TCF12: variants seen among roughly 807,000 people sequenced by gnomAD.
TCF12 encodes DNA-binding protein HTF4.
Under a neutral mutation model 86.0 loss-of-function variants are expected in TCF12, and 45 were observed. The observed-to-expected ratio is 0.52, with a 90% CI of 0.41 to 0.67. The LOEUF (loss-of-function observed/expected upper bound fraction) is 0.67. Among genes scored for constraint, TCF12 ranks in the 30% least tolerant of loss-of-function variants. TCF12 has a pLI of 0.00. For missense variants in TCF12, 881 were observed against 859.9 expected (o/e 1.02, Z -0.31); for synonymous variants, 330 against 299.6 (o/e 1.10, Z -1.05).
intron 3 of TCF12, among the ~76,000 whole-genome samples, chr15:56,971,447 G>A (rs535539018): frequency 4.6e-5 from 7 of 151,862 alleles, no homozygotes; most frequent in African/African-American, 9.7e-5. Context: ...AAAAGAAGGC[G>A]GAAAAAGAAA....
At chr15:57,078,255 T>G (rs1394227808) in intron 4 of TCF12, among the ~76,000 whole-genome samples, 1 of 152,202 alleles carries the variant, frequency 6.6e-6, no homozygotes, top group Non-Finnish European at 1.5e-5. Context: ...TCTTCTAAAC[T>G]ATTCATACAA....
At chr15:57,196,633 A>C (rs1767124325) in intron 7 of TCF12, among the ~76,000 whole-genome samples, 1 of 152,234 alleles carries the variant, frequency 6.6e-6, no homozygotes, top group African/African-American at 2.4e-5. Context: ...AAGATGAACA[A>C]GTTTTATATT....
chr15:57,107,430 G>A (rs1191662323), intron 5 of TCF12, among the ~76,000 whole-genome samples: 2 of 152,168 alleles, frequency 1.3e-5, no homozygotes, highest in Non-Finnish European at 2.9e-5. Context: ...ACTTAAGGGA[G>A]AAGGAGAGAT....
intron 5 of TCF12, among the ~76,000 whole-genome samples, chr15:57,156,137 G>T (rs1318257999): frequency 1.3e-5 from 2 of 152,116 alleles, no homozygotes; most frequent in African/African-American, 2.4e-5. Context: ...TTACACTTTG[G>T]TTTTATAACT....
intron 3 of TCF12, among the ~76,000 whole-genome samples, chr15:57,061,703 T>C (rs767884806): frequency 6.6e-6 from 1 of 152,252 alleles, no homozygotes; most frequent in Non-Finnish European, 1.5e-5. Flanking sequence ...ATGGTTTGAT[T>C]ATTTTCATCA....
At chr15:56,958,134 TTTTTGCAGGAG>T (rs2061577204) in intron 3 of TCF12, among the ~76,000 whole-genome samples, 1 of 152,198 alleles carries the variant, frequency 6.6e-6, no homozygotes, top group African/African-American at 2.4e-5. Context: ...CAAGTTGAAC[TTTTTGCAGGAG>T]TTTTTACCTG....
intron 3 of TCF12, among the ~76,000 whole-genome samples, chr15:57,037,336 GAGGCTGAGGC>G (rs1332545463): frequency 2.6e-5 from 4 of 152,112 alleles, no homozygotes; most frequent in African/African-American, 9.7e-5. Flanking sequence ...AGCAACTTGG[GAGGCTGAGGC>G]AGGAGAATCG....
intron 3 of TCF12, among the ~76,000 whole-genome samples, chr15:57,044,127 A>C (rs1027574019): frequency 4.6e-5 from 7 of 152,228 alleles, no homozygotes; most frequent in African/African-American, 1.7e-4. Context: ...ACAAGGATAA[A>C]TAGGAGCTAA....
intron 3 of TCF12, among the ~76,000 whole-genome samples, chr15:56,966,876 A>C (rs2140666153): frequency 6.6e-6 from 1 of 152,334 alleles, no homozygotes; most frequent in South Asian, 2.1e-4. Context: ...TAATCCCAGC[A>C]CTTTGGGAGG....
At chr15:57,214,631 A>G (rs910450496) in intron 8 of TCF12, among the ~76,000 whole-genome samples, 4 of 152,220 alleles carry the variant, frequency 2.6e-5, no homozygotes, top group Non-Finnish European at 1.5e-5. Flanking sequence ...ACGCTATTTT[A>G]TGAATTTTAG....
chr15:56,975,232 C>T (rs901521762), intron 3 of TCF12, among the ~76,000 whole-genome samples: 2 of 152,044 alleles, frequency 1.3e-5, no homozygotes, highest in African/African-American at 4.8e-5. Flanking sequence ...TGGCCATGAT[C>T]TAATAATAAG....
intron 8 of TCF12, among the ~76,000 whole-genome samples, chr15:57,222,625 C>T (rs1254379023): frequency 6.6e-6 from 1 of 151,580 alleles, no homozygotes; most frequent in Non-Finnish European, 1.5e-5. Flanking sequence ...TCTGAGGTTC[C>T]TTCTTTATAA....
chr15:56,965,898 T>G (rs2061980763), intron 3 of TCF12, among the ~76,000 whole-genome samples: 1 of 152,218 alleles, frequency 6.6e-6, no homozygotes. Flanking sequence ...TGAATTTTCT[T>G]GAAGAAGTAA....
At chr15:57,057,709 G>A (rs1309036888) in intron 3 of TCF12, among the ~76,000 whole-genome samples, 1 of 152,152 alleles carries the variant, frequency 6.6e-6, no homozygotes, top group African/African-American at 2.4e-5. Flanking sequence ...GAAGCCATTG[G>A]TAGGTTTTGA....
chr15:57,001,816 A>C (rs2064055224), intron 3 of TCF12, among the ~76,000 whole-genome samples: 1 of 152,068 alleles, frequency 6.6e-6, no homozygotes, highest in Non-Finnish European at 1.5e-5. Flanking sequence ...TTTATTCTAG[A>C]GGTTGTCTTT....
rs147056018 is a variant in TCF12, at chr15:56,928,051, T to A, written c.148+6953T>A. Reference sequence around the variant, plus strand: ...GAGAGAGCCCTTGAATTCCTGACTTTTTGTGAGAGAGACAATATAGTGTAT... The same window carrying A: ...GAGAGAGCCCTTGAATTCCTGACTTATTGTGAGAGAGACAATATAGTGTAT... On this transcript the variant is annotated intron_variant, in intron 3 of 20. Transcript: ENST00000333725. Among the ~76,000 whole-genome samples, 407 of 152,210 alleles carry A rather than the reference T, an allele frequency of 2.7e-3. 2 individuals carry two copies. The highest frequency in any genetic ancestry group is 9.1e-3 in the African/African-American group (378 of 41,534).
rs1451037196 is a variant in TCF12 at position 57,146,216 on chromosome 15, C to G, written c.326-20186C>G. 2.0e-5 allele frequency among the ~76,000 whole-genome samples: 3 copies of G among 152,058 alleles called. No homozygotes were observed. The South Asian group carries it at 6.2e-4, about 32-fold the overall frequency. On this transcript the variant is annotated intron_variant, in intron 5 of 20. Coordinates refer to ENST00000333725, the MANE Select transcript of TCF12 (RefSeq NM_207037.2). ...GCCCCAGGGTAATAATGAGGGTAACCAGTACTAGCATAAAGTGGTTACACA... is the reference window on the plus strand; with the variant it reads ...GCCCCAGGGTAATAATGAGGGTAACGAGTACTAGCATAAAGTGGTTACACA...
chr15:56,944,755 A>G (rs1358841351), intron 3 of TCF12, among the ~76,000 whole-genome samples: 1 of 152,186 alleles, frequency 6.6e-6, no homozygotes, highest in Non-Finnish European at 1.5e-5. Flanking sequence ...ACTGAGTAAC[A>G]TTAACTGCAA....
At chr15:57,092,607 T>G (rs1462542846) in intron 5 of TCF12, among the ~76,000 whole-genome samples, 1 of 151,996 alleles carries the variant, frequency 6.6e-6, no homozygotes, top group African/African-American at 2.4e-5. Flanking sequence ...TGAATACCAT[T>G]TTTTTTTGTG....
Sources: gnomAD v4.1 joint callset for allele counts (sites outside exome capture counted in the v4.1 genomes callset) on GRCh38, gnomAD v4.1.1 for gene constraint, MANE v1.5 for transcripts, NCBI Gene and HGNC (gene_info 2026-07-23, HGNC 2026-07-21) for gene names.